TRIO: variants seen among roughly 807,000 people sequenced by gnomAD.
TRIO encodes the protein triple functional domain protein.
A neutral mutation model predicts 351.9 loss-of-function variants in TRIO; 58 were observed. That is an observed-to-expected ratio of 0.16 (90% CI 0.13 to 0.21). The LOEUF (loss-of-function observed/expected upper bound fraction) is 0.21, where lower values mean the gene tolerates loss of function less well. Ranked by LOEUF, TRIO falls within the 10% of genes least tolerant of loss-of-function variation. TRIO has a pLI of 1.00. For missense variants in TRIO, 3,201 were observed against 4,027.8 expected (o/e 0.79, Z 5.56); for synonymous variants, 1,758 against 1,595.7 (o/e 1.10, Z -2.42).
At chr5:14,357,620 G>T (rs1471487994) in intron 11 of TRIO, among the ~76,000 whole-genome samples, 2 of 152,082 alleles carry the variant, frequency 1.3e-5, no homozygotes, top group African/African-American at 4.8e-5. Context: ...CCTGATTGTG[G>T]GGCCTGGGCT....
intron 32 of TRIO, chr5:14,406,248 G>GGCA: frequency 1.7e-6 from 1 of 579,434 alleles, no homozygotes; most frequent in East Asian, 3.0e-5. Flanking sequence ...CACCATACAG[G>GGCA]GCACATGTCT....
At chr5:14,347,310 A>G (rs1044525848) in intron 11 of TRIO, among the ~76,000 whole-genome samples, 1 of 91,862 alleles carries the variant, frequency 1.1e-5, no homozygotes, top group Non-Finnish European at 2.3e-5. Context: ...GTCCTGCAGA[A>G]CAGAGATGAT....
At chr5:14,289,742 C>T (rs1024500974) in intron 4 of TRIO, among the ~76,000 whole-genome samples, 1 of 151,644 alleles carries the variant, frequency 6.6e-6, no homozygotes, top group Admixed American at 6.6e-5. Context: ...CCCAGCTACT[C>T]GGGAGGCTGA....
At chr5:14,431,901 C>T (rs1751184177) in intron 34 of TRIO, among the ~76,000 whole-genome samples, 1 of 152,168 alleles carries the variant, frequency 6.6e-6, no homozygotes, top group Non-Finnish European at 1.5e-5. Flanking sequence ...ATTTCCTTTT[C>T]TGTAAGAACA....
intron 11 of TRIO, among the ~76,000 whole-genome samples, chr5:14,356,390 A>G (rs747440193): frequency 1.3e-5 from 2 of 152,260 alleles, no homozygotes; most frequent in Non-Finnish European, 2.9e-5. Context: ...ATTTGCCATC[A>G]TTAGTAATTA....
At chr5:14,507,064 C>T (rs1757739728) in intron 55 of TRIO, 58 bp from the exon 56 acceptor site, 1 of 1,517,806 alleles carries the variant, frequency 6.6e-7, no homozygotes, top group African/African-American at 1.4e-5. Context: ...TCTTACTAGC[C>T]CAAAGAGGTC....
chr5:14,146,906 G>C (rs908742406), intron 1 of TRIO, among the ~76,000 whole-genome samples: 5 of 152,286 alleles, frequency 3.3e-5, no homozygotes, highest in South Asian at 2.1e-4. Context: ...TCCGTTCTCT[G>C]CTCAGGACCT....
chr5:14,436,747 TA>T (rs1367743010), intron 34 of TRIO, among the ~76,000 whole-genome samples: 1 of 152,176 alleles, frequency 6.6e-6, no homozygotes, highest in Non-Finnish European at 1.5e-5. Flanking sequence ...AGTCAAATCT[TA>T]AAACTCAGAA....
chr5:14,336,807 T>C lies in TRIO; in HGVS notation c.2046+80T>C, dbSNP rs1741458740. 5 of 1,485,788 alleles carry C rather than the reference T, an allele frequency of 3.4e-6. No homozygotes were observed. The South Asian group carries it at 6.1e-5, about 18-fold the overall frequency. The allele number at this position is 1,485,788 out of a possible 1,614,324, so 92.0% of individuals were successfully genotyped here. Reference sequence around the variant, plus strand: ...TTTTGGAGGAACCTAAATTTAGTCATAATGTGAGAAAGTGGACAAAGGTGG... The same window carrying C: ...TTTTGGAGGAACCTAAATTTAGTCACAATGTGAGAAAGTGGACAAAGGTGG... On this transcript the variant is annotated intron_variant, in intron 11 of 56. Transcript: ENST00000344204.
chr5:14,293,444 C>T (rs1210498687), intron 6 of TRIO, among the ~76,000 whole-genome samples: 2 of 152,314 alleles, frequency 1.3e-5, no homozygotes, highest in Middle Eastern at 3.4e-3. Flanking sequence ...CCACGGGGGC[C>T]CCAGCAAAGC....
intron 1 of TRIO, among the ~76,000 whole-genome samples, chr5:14,151,611 A>T (rs1787839366): frequency 6.6e-6 from 1 of 152,202 alleles, no homozygotes; most frequent in South Asian, 2.1e-4. Flanking sequence ...AAATGTTTAG[A>T]TTGTGATTTG....
chr5:14,235,716 C>A (rs2152227779), intron 1 of TRIO, among the ~76,000 whole-genome samples: 1 of 151,886 alleles, frequency 6.6e-6, no homozygotes, highest in East Asian at 1.9e-4. Flanking sequence ...TTCGAATCCA[C>A]AAGCATGCAT....
chr5:14,488,637 G>A, intron 48 of TRIO: 1 of 517,774 alleles, frequency 1.9e-6, no homozygotes, highest in Non-Finnish European at 3.5e-6. Context: ...ATTGAAACCT[G>A]TACACTTTAA....
intron 1 of TRIO, among the ~76,000 whole-genome samples, chr5:14,216,894 G>A (rs572593462): frequency 2.6e-5 from 4 of 152,302 alleles, no homozygotes; most frequent in African/African-American, 7.2e-5. Flanking sequence ...AGGTCTCATC[G>A]TTAGGAAGGG....
At chr5:14,395,300 A>G (rs1011605722) in intron 28 of TRIO, among the ~76,000 whole-genome samples, 1 of 152,260 alleles carries the variant, frequency 6.6e-6, no homozygotes, top group Non-Finnish European at 1.5e-5. Context: ...TATGAATGCA[A>G]AATAAGTCAG....
intron 10 of TRIO, among the ~76,000 whole-genome samples, chr5:14,331,444 A>G (rs754266889): frequency 6.6e-6 from 1 of 152,222 alleles, no homozygotes; most frequent in Non-Finnish European, 1.5e-5. Context: ...TCTTATAGTC[A>G]ACTTCTTTAA....
rs991836498 is a variant in TRIO at position 14,390,942 on chromosome 5, G to A, written c.4170G>A (p.Lys1390=). Residue 1390 remains lysine, a synonymous_variant, in exon 27 of 57, where the codon AAG becomes AAA. Transcript: ENST00000344204. ...FQMYVTYCKN[K]PDSTQLILEH... Reference sequence around the variant, plus strand: ...TGTATGTCACATATTGCAAAAATAAGCCTGATTCTACTCAGCTGATATTGG... The same window carrying A: ...TGTATGTCACATATTGCAAAAATAAACCTGATTCTACTCAGCTGATATTGG... 3 of 1,610,776 alleles carry A rather than the reference G, an allele frequency of 1.9e-6. No individual in the cohort carries two copies. The highest frequency in any genetic ancestry group is 2.7e-5 in the African/African-American group (2 of 74,602).
intron 1 of TRIO, among the ~76,000 whole-genome samples, chr5:14,145,176 C>T (rs1472530904): frequency 2.6e-5 from 4 of 152,204 alleles, no homozygotes; most frequent in African/African-American, 4.8e-5. Flanking sequence ...TGAAAATCAC[C>T]TCCCCAGATT....
chr5:14,229,406 C>T (rs988401169), intron 1 of TRIO, among the ~76,000 whole-genome samples: 3 of 152,220 alleles, frequency 2.0e-5, no homozygotes, highest in African/African-American at 7.2e-5. Flanking sequence ...TGCAGGCCCT[C>T]CTTTGCCACC....
Sources: allele counts gnomAD v4.1 joint callset (sites outside exome capture counted in the v4.1 genomes callset), GRCh38; gene constraint gnomAD v4.1.1; transcripts MANE v1.5; gene names NCBI Gene and HGNC (gene_info 2026-07-23, HGNC 2026-07-21).